The following KDM4C variants were observed in gnomAD, a reference collection of about 807,000 sequenced individuals.
The protein encoded by KDM4C is lysine demethylase 4C.
Under a neutral mutation model 129.3 loss-of-function variants are expected in KDM4C, and 81 were observed. The ratio of observed to expected loss-of-function variants is 0.63; its 90% CI spans 0.52 to 0.75. The LOEUF (loss-of-function observed/expected upper bound fraction) is 0.75, where lower values mean the gene tolerates loss of function less well. Ranked by LOEUF, KDM4C falls within the 30% of genes least tolerant of loss-of-function variation. The pLI is 0.00. For missense variants in KDM4C, 1,457 were observed against 1,304.0 expected (o/e 1.12, Z -1.81); for synonymous variants, 573 against 456.1 (o/e 1.26, Z -3.26).
intron 8 of KDM4C, among the ~76,000 whole-genome samples, chr9:6,916,619 C>T (rs944809372): frequency 6.6e-6 from 1 of 152,034 alleles, no homozygotes; most frequent in Non-Finnish European, 1.5e-5. Flanking sequence ...CTTTATCCAG[C>T]AAATATATAT....
intron 4 of KDM4C, among the ~76,000 whole-genome samples, chr9:6,820,458 G>C (rs1232716145): frequency 6.6e-6 from 1 of 152,172 alleles, no homozygotes; most frequent in African/African-American, 2.4e-5. Context: ...CTGTGGTCCT[G>C]GGTCGTGGAT....
chr9:6,735,244 C>A (rs1451601153), intron 1 of KDM4C, among the ~76,000 whole-genome samples: 1 of 151,976 alleles, frequency 6.6e-6, no homozygotes, highest in African/African-American at 2.4e-5. Flanking sequence ...CACCTGACCT[C>A]TTTTGTTTTG....
At chr9:6,925,501 G>A in intron 8 of KDM4C, 1 of 802,594 alleles carries the variant, frequency 1.2e-6, no homozygotes, top group Non-Finnish European at 1.5e-6. Flanking sequence ...TCACCATCTT[G>A]CTCATGCTGC....
chr9:7,116,817 C>A (rs1015958497), intron 18 of KDM4C, among the ~76,000 whole-genome samples: 1 of 152,136 alleles, frequency 6.6e-6, no homozygotes, highest in Non-Finnish European at 1.5e-5. Flanking sequence ...CTTTCTCTGT[C>A]ATTCTCTCCT....
chr9:6,745,489 T>C (rs1015631985), intron 1 of KDM4C, among the ~76,000 whole-genome samples: 1 of 148,942 alleles, frequency 6.7e-6, no homozygotes, highest in Non-Finnish European at 1.5e-5. Context: ...CCCAGCTACT[T>C]GGGAGGCTGA....
Position 6,892,927 on chromosome 9 carries a change from AAAAGCACTATTAAAGGAT to A in KDM4C, c.784-167_784-150del, listed in dbSNP as rs773290660. On this transcript the variant is annotated intron_variant, in intron 7 of 21. Coordinates refer to ENST00000381309, the MANE Select transcript of KDM4C (RefSeq NM_015061.6). ...GGAAAGTCTTTTAAACGTTTCCTGA[AAAAGCACTATTAAAGGAT>A]TAAGTAATGAATCTGGTGGAACTCT... 1.1e-4 allele frequency among the ~76,000 whole-genome samples: 16 copies of A among 152,246 alleles called. 1 individual carries two copies. Among genetic ancestry groups the A allele is most frequent in the Non-Finnish European group, 7.3e-5 (5 of 68,032 alleles).
chr9:7,122,263 A>T (rs138543786), intron 18 of KDM4C, among the ~76,000 whole-genome samples: 45,917 of 143,340 alleles, frequency 0.32, 7,557 homozygotes, highest in Admixed American at 0.46. Context: ...ACACACACAC[A>T]CACTCTCTCT....
Position 6,885,162 on chromosome 9 carries a change from C to T in KDM4C, c.680-2798C>T, listed in dbSNP as rs893880088. The stretch of plus-strand genomic sequence containing the variant: ...TTCCAATACCCCAAAAAAGTTCCCT[C>T]ACACCTCTTTGTACTTAACCACTCT... On this transcript the variant is annotated intron_variant, in intron 6 of 21. Transcript: ENST00000381309. Among the ~76,000 whole-genome samples the T allele has an allele frequency of 2.6e-5, 4 of 152,214 alleles. No individual in the cohort carries two copies. The East Asian group carries it at 5.8e-4, about 22-fold the overall frequency.
intron 21 of KDM4C, chr9:7,170,292 G>A (rs1325244069): frequency 2.8e-6 from 3 of 1,056,570 alleles, no homozygotes; most frequent in Admixed American, 1.1e-4. Context: ...TTGAATGTCT[G>A]TCTATTCTTT....
At chr9:6,729,702 T>G (rs1231564677) in intron 1 of KDM4C, among the ~76,000 whole-genome samples, 2 of 134,892 alleles carry the variant, frequency 1.5e-5, no homozygotes, top group Non-Finnish European at 3.0e-5. Flanking sequence ...GCTAATGAGC[T>G]CTTGTAAAAT....
At chr9:6,942,608 C>T (rs1826166090) in intron 8 of KDM4C, 1 of 152,108 alleles carries the variant, frequency 6.6e-6, no homozygotes, top group African/African-American at 2.4e-5. Context: ...TGTGCTTTCC[C>T]TCCGTTATGA....
intron 1 of KDM4C, among the ~76,000 whole-genome samples, chr9:6,750,515 G>A (rs1818033637): frequency 6.6e-6 from 1 of 151,824 alleles, no homozygotes; most frequent in Non-Finnish European, 1.5e-5. Context: ...CTTATAGGAA[G>A]TTGAAATAGC....
chr9:7,006,865 T>G (rs1039550128), intron 12 of KDM4C, among the ~76,000 whole-genome samples: 3 of 152,160 alleles, frequency 2.0e-5, no homozygotes, highest in Non-Finnish European at 2.9e-5. Context: ...TAAAAAAAAT[T>G]TCAGTCTATT....
At chr9:7,088,094 A>G (rs557929179) in intron 17 of KDM4C, among the ~76,000 whole-genome samples, 5 of 152,186 alleles carry the variant, frequency 3.3e-5, no homozygotes, top group African/African-American at 1.2e-4. Flanking sequence ...CTTTAGCAGG[A>G]TTCTCTGATT....
At chr9:7,044,124 G>A (rs375481290) in intron 15 of KDM4C, among the ~76,000 whole-genome samples, 1 of 152,016 alleles carries the variant, frequency 6.6e-6, no homozygotes, top group Non-Finnish European at 1.5e-5. Flanking sequence ...AATAAAAGGG[G>A]AGTATCAGTG....
chr9:7,059,739 G>C (rs976365106), intron 17 of KDM4C, among the ~76,000 whole-genome samples: 1 of 152,228 alleles, frequency 6.6e-6, no homozygotes. Context: ...ATTAAACTGG[G>C]CAGAGATTGG....
intron 19 of KDM4C, among the ~76,000 whole-genome samples, chr9:7,137,843 C>G (rs1202807081): frequency 6.6e-6 from 1 of 152,186 alleles, no homozygotes; most frequent in African/African-American, 2.4e-5. Flanking sequence ...GCCCATAAAT[C>G]AATGAAGAGT....
chr9:6,974,050 C>G (rs113939123), intron 8 of KDM4C, among the ~76,000 whole-genome samples: 3,556 of 152,266 alleles, frequency 0.023, 135 homozygotes, highest in African/African-American at 0.081. Flanking sequence ...GGGCAGGATA[C>G]TGAATCTCAC....
intron 19 of KDM4C, among the ~76,000 whole-genome samples, chr9:7,164,939 G>A (rs538391637): frequency 2.6e-5 from 4 of 152,226 alleles, no homozygotes; most frequent in East Asian, 3.9e-4. Flanking sequence ...CAGCTAAAGC[G>A]GTTTCTATGC....
Sources: gnomAD v4.1 joint callset for allele counts (sites outside exome capture counted in the v4.1 genomes callset) on GRCh38, gnomAD v4.1.1 for gene constraint, MANE v1.5 for transcripts, NCBI Gene and HGNC (gene_info 2026-07-23, HGNC 2026-07-21) for gene names.